Variants in NOTCH1 observed in about 807,000 individuals in gnomAD.
The protein encoded by NOTCH1 is neurogenic locus notch homolog protein 1.
In NOTCH1, 37 loss-of-function variants were observed where a neutral mutation model predicts 254.8. The ratio of observed to expected loss-of-function variants is 0.15; its 90% CI spans 0.11 to 0.19. NOTCH1 has a LOEUF of 0.19. NOTCH1 is among the 10% of genes least tolerant of loss of function. NOTCH1 has a pLI of 1.00. For missense variants in NOTCH1, 2,972 were observed against 3,708.6 expected (o/e 0.80, Z 5.16); for synonymous variants, 1,731 against 1,618.1 (o/e 1.07, Z -1.68).
Position 136,506,086 on chromosome 9 carries a change from G to A in NOTCH1, c.4015-205C>T, listed in dbSNP as rs913509637. Among the ~76,000 whole-genome samples the A allele has an allele frequency of 2.6e-5, 4 of 152,324 alleles. No homozygotes were observed. Among genetic ancestry groups the A allele is most frequent in the Admixed American group, 1.3e-4 (2 of 15,310 alleles). ...GGTGCCAGGGGGTCGGGAGATGGAG[G>A]AAGGGGTAAACTGGTGGAGTGCTGA... is the stretch of plus-strand genomic sequence containing the variant. On this transcript the variant is annotated intron_variant, in intron 24 of 33. Transcript: ENST00000651671. This position sits in a 1 kb window ranked among gnomAD's most constrained non-coding sequence, Gnocchi z 4.5.
intron 2 of NOTCH1, among the ~76,000 whole-genome samples, chr9:136,541,863 G>T (rs1316213152): frequency 6.6e-6 from 1 of 152,250 alleles, no homozygotes; most frequent in Non-Finnish European, 1.5e-5. Flanking sequence ...CGTTGGACTT[G>T]TGGGGTGTGC....
chr9:136,504,657 G>C lies in NOTCH1; in HGVS notation c.5018+16C>G, dbSNP rs764990565. On this transcript the variant is annotated intron_variant, in intron 26 of 33. Transcript: ENST00000651671. ...AGAGTTGCGGGGATTGACCGTGGGC[G>C]CCGGGTCTCACTCACCCGCGGACGT... The C allele has an allele frequency of 2.0e-6, 3 of 1,494,590 alleles. No homozygotes were observed. The highest frequency in any genetic ancestry group is 2.7e-6 in the Non-Finnish European group (3 of 1,119,376). The allele number at this position is 1,494,590 out of a possible 1,614,324, so 92.6% of individuals were successfully genotyped here.
At chr9:136,537,816 T>C (rs1843677547) in intron 2 of NOTCH1, among the ~76,000 whole-genome samples, 1 of 151,774 alleles carries the variant, frequency 6.6e-6, no homozygotes, top group Non-Finnish European at 1.5e-5. Flanking sequence ...AAAGTGGCCA[T>C]GCACAGTGGC....
chr9:136,505,675 G>A lies in NOTCH1; in HGVS notation c.4221C>T (p.Ser1407=), dbSNP rs752575476. 7 of 1,610,860 alleles carry A rather than the reference G, an allele frequency of 4.3e-6. No homozygotes were observed. The highest frequency in any genetic ancestry group is 3.3e-5 in the South Asian group (3 of 90,932). ...CYNQGTCEPT[S]ESPFYRCLCP... ...ACAGGCAACGGTAGAAGGGGCTCTC[G>A]GATGTGGGCTCACAGGTCCCCTGGT... The change falls in exon 25 of 34, where the codon TCC becomes TCT. Residue 1407 remains serine (S), a synonymous_variant. Coordinates refer to ENST00000651671, the MANE Select transcript of NOTCH1 (RefSeq NM_017617.5).
rs948790040 is a variant in NOTCH1 at position 136,513,807 on chromosome 9, A to T, written c.2208-270T>A. 3.3e-4 allele frequency among the ~76,000 whole-genome samples: 50 copies of T among 152,296 alleles called. No individual in the cohort carries two copies. The highest frequency in any genetic ancestry group is 1.2e-3 in the African/African-American group (49 of 41,558). ...AACTCCCCCACCCCATATATACTAA[A>T]AATACAAAAATTAGCCAGGTGTGGT... is the stretch of plus-strand genomic sequence containing the variant. On this transcript the variant is annotated intron_variant, in intron 13 of 33. Transcript: ENST00000651671. This position sits in a 1 kb window ranked among gnomAD's most constrained non-coding sequence, Gnocchi z 4.7.
In NOTCH1 at chr9:136,528,574, C is replaced by T. The variant is rs933295764; in HGVS notation, c.141-4595G>A. On this transcript the variant is annotated intron_variant, in intron 2 of 33. Transcript: ENST00000651671. ...GTTGGTGGGACGGGCAGGGACAGTGCGGGGGCCTCTCCGGTGCACAGGAGC... is the reference window on the plus strand; with the variant it reads ...GTTGGTGGGACGGGCAGGGACAGTGTGGGGGCCTCTCCGGTGCACAGGAGC... Among the ~76,000 whole-genome samples, 3 of 143,558 alleles carry T rather than the reference C, an allele frequency of 2.1e-5. 1 individual carries two copies. Among genetic ancestry groups the T allele is most frequent in the African/African-American group, 7.9e-5 (3 of 38,062 alleles). The allele number at this position is 143,558 out of a possible 152,430, so 94.2% of individuals were successfully genotyped here. A position where few individuals can be genotyped will look rare whatever the true frequency, so the allele number is the denominator to read the frequency against.
chr9:136,500,691 A>G lies in NOTCH1; in HGVS notation c.5795T>C (p.Leu1932Ser), dbSNP rs1842981231. The change falls in exon 31 of 34, where the codon TTG becomes TCG. Residue 1932 changes from leucine (L) to serine (S), a missense_variant. By Grantham distance (145) the Leu-to-Ser change is moderately radical (BLOSUM62 -2). Around this residue, in one of 8 missense-constraint regions of NOTCH1, gnomAD observed 421 missense variants for 604.4 expected, o/e 0.70. Transcript: ENST00000651671. The part of the protein sequence containing the change: ...NQTDRTGETA[L>S]HLAARYSRSD... The stretch of plus-strand genomic sequence containing the variant: ...GCGTGAGTAGCGGGCGGCCAGGTGC[A>G]AGGCGGTCTCGCCCGTGCGGTCTGT... The G allele has an allele frequency of 6.2e-7, 1 of 1,610,944 alleles. No homozygotes were observed. Among genetic ancestry groups the G allele is most frequent in the Non-Finnish European group, 8.5e-7 (1 of 1,179,912 alleles).
rs752199996 is a variant in NOTCH1 at position 136,518,322 on chromosome 9, G to A, written c.1100-30C>T. 5.6e-5 allele frequency: 90 copies of A among 1,596,948 alleles called. 1 individual carries two copies. The Middle Eastern group carries it at 1.1e-3, about 20-fold the overall frequency. ...GCAGGCAGCGGCGGTCAGTGGGCAC[G>A]GCCCCTGGGCCAGGCATGGCACACC... On this transcript the variant is annotated intron_variant, in intron 6 of 33. Transcript: ENST00000651671.
At position 136,523,999 on chromosome 9, in the gene NOTCH1, G is replaced by C. The variant is rs1163909028; in HGVS notation, c.141-20C>G. The C allele has an allele frequency of 6.5e-7, 1 of 1,542,892 alleles. No individual in the cohort carries two copies. Among genetic ancestry groups the C allele is most frequent in the Admixed American group, 2.0e-5 (1 of 51,072 alleles). ...CCACAGCTGTTGGCAGATGTGCCAG[G>C]GCAGTTAGTTCCCACCTGCTTCCCC... On this transcript the variant is annotated intron_variant, in intron 2 of 33. Transcript: ENST00000651671.
Position 136,515,543 on chromosome 9 carries a change from C to G in NOTCH1, c.1843G>C (p.Gly615Arg). The change falls in exon 11 of 34, where the codon GGG becomes CGG. Residue 615 changes from glycine (G) to arginine (R), a missense_variant. Physicochemically the swap from Gly to Arg is moderately radical, Grantham distance 125. Transcript: ENST00000651671. ...TTGTCGCGGTCCTGGCAGGTGCCCC[C>G]GTGGCGGCAGGGCTGGCTGGAGCAC... ...NECSSQPCRH[G>R]GTCQDRDNAY... 1 of 1,611,708 alleles carries G rather than the reference C, an allele frequency of 6.2e-7. No individual in the cohort carries two copies.
At chr9:136,504,577 T>C in intron 26 of NOTCH1, 96 bp downstream of exon 26, 2 of 1,297,948 alleles carry the variant, frequency 1.5e-6, no homozygotes, top group Non-Finnish European at 2.1e-6. Flanking sequence ...GGGAGAGTAC[T>C]GCTTGCCATG....
intron 4 of NOTCH1, chr9:136,522,555 A>G: frequency 2.3e-6 from 1 of 438,362 alleles, no homozygotes. Flanking sequence ...TGCGCAAGTC[A>G]GGGTGCCTGC....
At chr9:136,504,537 C>T (rs1843046149) in intron 26 of NOTCH1, 136 bp downstream of exon 26, 11 of 1,017,458 alleles carry the variant, frequency 1.1e-5, no homozygotes, top group African/African-American at 1.6e-5. Flanking sequence ...CAGGTCCTCT[C>T]GGAACCTCCG....
chr9:136,522,648 G>A (rs769036725), intron 4 of NOTCH1: 6 of 587,162 alleles, frequency 1.0e-5, no homozygotes, highest in Non-Finnish European at 1.8e-5. Context: ...TGGACCCTGT[G>A]CAAGCCTCCT....
At chr9:136,516,939 G>A (rs1305986565) in intron 9 of NOTCH1, among the ~76,000 whole-genome samples, 1 of 150,972 alleles carries the variant, frequency 6.6e-6, no homozygotes, top group Non-Finnish European at 1.5e-5. Context: ...GGGTGCAGAC[G>A]GCCCAGGGGC....
chr9:136,538,310 C>G (rs913555030), intron 2 of NOTCH1, among the ~76,000 whole-genome samples: 9 of 152,146 alleles, frequency 5.9e-5, no homozygotes, highest in Non-Finnish European at 1.2e-4. Flanking sequence ...GGGCGACCAC[C>G]GAGCCCAGCG....
Position 136,508,376 on chromosome 9 carries a change from G to T in NOTCH1, c.3181C>A (p.His1061Asn). The change falls in exon 20 of 34, where the codon CAC (histidine) becomes AAC (asparagine). Residue 1061 changes from histidine to asparagine, a missense_variant. Physicochemically the swap from His to Asn is moderately conservative, Grantham distance 68. Coordinates refer to ENST00000651671, the MANE Select transcript of NOTCH1 (RefSeq NM_017617.5). Reference protein sequence around the residue: ...YTGPNCQNLVHWCDSSPCKNG... With the variant: ...YTGPNCQNLVNWCDSSPCKNG... ...TTGCAGGGCGAGGAGTCACACCAGT[G>T]CACAAGGTTCTGGGGACAGATTGGG... 1 of 1,613,242 alleles carries T rather than the reference G, an allele frequency of 6.2e-7. No individual in the cohort carries two copies. The highest frequency in any genetic ancestry group is 1.7e-5 in the Admixed American group (1 of 60,028).
In NOTCH1 at chr9:136,496,720, G is replaced by A. The variant is rs1254082910; in HGVS notation, c.7019C>T (p.Pro2340Leu). Residue 2340 changes from proline to leucine, a missense_variant, in exon 34 of 34, where the codon CCC becomes CTC. Transcript: ENST00000651671. ...GCCTACCATGCCATGCTGCAGGGAG[G>A]GGGCCTGTGTGCTCAGGGGGCCTGG... ...VAPGPLSTQAPSLQHGMVGPL... is the reference protein window; with the variant it reads ...VAPGPLSTQALSLQHGMVGPL... 2.5e-6 allele frequency: 4 copies of A among 1,612,738 alleles called. No homozygotes were observed. The highest frequency in any genetic ancestry group is 3.4e-6 in the Non-Finnish European group (4 of 1,180,010).
intron 4 of NOTCH1, among the ~76,000 whole-genome samples, chr9:136,521,407 G>A (rs1843364471): frequency 6.6e-6 from 1 of 151,946 alleles, no homozygotes; most frequent in African/African-American, 2.4e-5. Flanking sequence ...GTGGCTCTGA[G>A]CCGGCCCAGC....
Sources: allele counts gnomAD v4.1 joint callset (sites outside exome capture counted in the v4.1 genomes callset), GRCh38; gene constraint gnomAD v4.1.1; regional missense constraint gnomAD v4.1.1; non-coding constraint Gnocchi (gnomAD v3.1); transcripts MANE v1.5; gene names NCBI Gene and HGNC (gene_info 2026-07-23, HGNC 2026-07-21).